The following AGRN variants were observed in gnomAD, a reference collection of about 807,000 sequenced individuals.
AGRN encodes agrin proteoglycan.
Under a neutral mutation model 211.0 loss-of-function variants are expected in AGRN, and 106 were observed. The ratio of observed to expected loss-of-function variants is 0.50; its 90% CI spans 0.43 to 0.59. The LOEUF is 0.59. AGRN is among the 20% of genes least tolerant of loss of function. AGRN has a pLI of 0.00. For synonymous variants in AGRN, 1,525 were observed against 1,332.5 expected (o/e 1.14, Z -3.15); for missense variants, 3,040 against 2,982.6 (o/e 1.02, Z -0.45).
intron 1 of AGRN, 149 bp downstream of exon 1, chr1:1,020,522 C>A: frequency 1.4e-6 from 1 of 726,998 alleles, no homozygotes; most frequent in South Asian, 3.5e-5. Flanking sequence ...GGGGGGTCGC[C>A]GGGTCCCGGG....
intron 3 of AGRN, among the ~76,000 whole-genome samples, chr1:1,036,730 G>C (rs1186711057): frequency 6.6e-6 from 1 of 152,150 alleles, no homozygotes; most frequent in Non-Finnish European, 1.5e-5. Context: ...ACCCCACCAG[G>C]CTGTTCCTAT....
At chr1:1,042,230 C>T in intron 7 of AGRN, 68 bp downstream of exon 7, 2 of 1,500,152 alleles carry the variant, frequency 1.3e-6, no homozygotes, top group East Asian at 2.3e-5. Flanking sequence ...CTGGACATCA[C>T]ATGCCATCTT....
intron 2 of AGRN, chr1:1,033,979 C>A: frequency 6.1e-6 from 2 of 328,308 alleles, no homozygotes; most frequent in Non-Finnish European, 8.7e-6. Context: ...CCCTCCGCGG[C>A]GTCTTCGCCC....
intron 33 of AGRN, chr1:1,053,355 T>G: frequency 5.8e-6 from 6 of 1,036,898 alleles, no homozygotes; most frequent in African/African-American, 1.7e-5. Context: ...AGGTCACGCA[T>G]GTCTTCTGTG....
At chr1:1,046,294 C>T in intron 17 of AGRN, 29 bp downstream of exon 17, 1 of 1,612,814 alleles carries the variant, frequency 6.2e-7, no homozygotes, top group Non-Finnish European at 8.5e-7. Context: ...TGCCCCAGAA[C>T]TGACCAGGAA....
intron 2 of AGRN, among the ~76,000 whole-genome samples, chr1:1,023,718 G>A (rs754119166): frequency 2.6e-5 from 4 of 152,196 alleles, no homozygotes; most frequent in Non-Finnish European, 4.4e-5. Context: ...TTGCTCTAGG[G>A]TCAGAGGGCA....
intron 2 of AGRN, among the ~76,000 whole-genome samples, chr1:1,033,314 A>ACCTACGC (rs932256946): frequency 1.3e-4 from 20 of 150,584 alleles, no homozygotes; most frequent in African/African-American, 4.4e-4. Flanking sequence ...GCCCTCCCCC[A>ACCTACGC]CCTACGCCCC....
At chr1:1,049,184 G>A (rs570829775) in intron 24 of AGRN, 52 bp from the exon 25 acceptor site, 12 of 1,465,290 alleles carry the variant, frequency 8.2e-6, no homozygotes, top group Middle Eastern at 2.5e-4. Flanking sequence ...TCAGGTAGGC[G>A]GGGTGGGGAC....
At chr1:1,021,103 C>T (rs1314400326) in intron 1 of AGRN, among the ~76,000 whole-genome samples, 1 of 152,184 alleles carries the variant, frequency 6.6e-6, no homozygotes, top group Non-Finnish European at 1.5e-5. Flanking sequence ...AAAACCATCT[C>T]CTGGGACCAG....
Position 1,055,004 on chromosome 1 carries a change from C to T in AGRN, c.*23C>T, listed in dbSNP as rs776719537. On this transcript the variant is annotated 3_prime_UTR_variant, in exon 36 of 36. Transcript: ENST00000379370. ...TGAGCTGGCACCAGAGCCCCGCGCCCGCTGTAATTATTTTCTATTTTTGTA... is the reference window on the plus strand; with the variant it reads ...TGAGCTGGCACCAGAGCCCCGCGCCTGCTGTAATTATTTTCTATTTTTGTA... The T allele has an allele frequency of 2.7e-5, 42 of 1,546,016 alleles. No individual in the cohort carries two copies. The highest frequency in any genetic ancestry group is 1.9e-4 in the South Asian group (16 of 84,016).
intron 19 of AGRN, 146 bp downstream of exon 19, chr1:1,047,103 G>C: frequency 7.1e-7 from 1 of 1,410,330 alleles, no homozygotes; most frequent in Non-Finnish European, 9.5e-7. Flanking sequence ...GGGACCCCAC[G>C]CCTAACCCGT....
In AGRN at chr1:1,044,217, G is replaced by T. The variant is rs1185613317; in HGVS notation, c.2108G>T (p.Cys703Phe). Residue 703 changes from cysteine (C) to phenylalanine (F), a missense_variant, in exon 11 of 36, where the codon TGT becomes TTT. Cys to Phe is a radical substitution (Grantham distance 205). Around this residue, in one of 3 missense-constraint regions of AGRN, gnomAD observed 1,498 missense variants for 1,457.8 expected, o/e 1.03. Coordinates refer to ENST00000379370, the MANE Select transcript of AGRN (RefSeq NM_198576.4). ...GACGAGGACTCGGAGGACGGGCCGT[G>T]TGTCTGTGACTTCAGCTGCCAGAGT... ...IWDEDSEDGP[C>F]VCDFSCQSVP... The T allele has an allele frequency of 1.9e-6, 3 of 1,613,090 alleles. No individual in the cohort carries two copies. The Admixed American group carries it at 5.0e-5, about 27-fold the overall frequency.
In AGRN at chr1:1,048,531, G is replaced by A; in HGVS notation, c.4105+166G>A. On this transcript the variant is annotated intron_variant, in intron 23 of 35. Transcript: ENST00000379370. The surrounding 1 kb of genome is among the most constrained non-coding windows in gnomAD (Gnocchi z 5.9). The stretch of plus-strand genomic sequence containing the variant: ...CACGCCTGTAATCCCAGCACTTTGG[G>A]AGGCCGAGGCAGGCGGATCACCTGA... The A allele has an allele frequency of 1.5e-6, 1 of 653,832 alleles. No individual in the cohort carries two copies. Among genetic ancestry groups the A allele is most frequent in the Middle Eastern group, 4.2e-4 (1 of 2,386 alleles). The allele number at this position is 653,832 out of a possible 1,614,324, so 40.5% of individuals were successfully genotyped here.
At position 1,041,242 on chromosome 1, in the gene AGRN, T is replaced by A. The variant is rs1262773253; in HGVS notation, c.797T>A (p.Leu266Gln). 1.7e-5 allele frequency: 26 copies of A among 1,490,572 alleles called. No individual in the cohort carries two copies. Among genetic ancestry groups the A allele is most frequent in the South Asian group, 6.3e-5 (5 of 79,994 alleles). 92.3% of individuals were successfully genotyped at this position (1,490,572 alleles called of 1,614,324 possible). Residue 266 changes from leucine to glutamine, a missense_variant, in exon 5 of 36, where the codon CTG becomes CAG. Leu to Gln is a moderately radical substitution (Grantham distance 113). Coordinates refer to ENST00000379370, the MANE Select transcript of AGRN (RefSeq NM_198576.4). ...GSTCARSADG[L>Q]TASCLCPATC... Reference sequence around the variant, plus strand: ...ACCTGTGCGCGCTCGGCCGACGGGCTGACGGCCTCGTGCCTGTGCCCCGCG... The same window carrying A: ...ACCTGTGCGCGCTCGGCCGACGGGCAGACGGCCTCGTGCCTGTGCCCCGCG...
rs756920232 is a variant in AGRN, at chr1:1,045,807, G to A, written c.2611G>A (p.Gly871Arg). 30 of 1,612,896 alleles carry A rather than the reference G, an allele frequency of 1.9e-5. No homozygotes were observed. Among genetic ancestry groups the A allele is most frequent in the South Asian group, 2.2e-5 (2 of 91,086 alleles). Residue 871 changes from glycine to arginine, a missense_variant, in exon 15 of 36, where the codon GGG becomes AGG. Gly to Arg is a moderately radical substitution (Grantham distance 125). This residue lies in a region of AGRN where 1,498 missense variants were observed against 1,457.8 expected (regional missense o/e 1.03). Transcript: ENST00000379370. ...QMTGLCSCKP[G>R]VAGPKCGQCP... Reference sequence around the variant, plus strand: ...GACGGGGCTGTGCTCGTGTAAGCCCGGGGTGGCTGGACCCAAGTGTGGGCA... The same window carrying A: ...GACGGGGCTGTGCTCGTGTAAGCCCAGGGTGGCTGGACCCAAGTGTGGGCA...
At position 1,048,798 on chromosome 1, in the gene AGRN, C is replaced by T. The variant is rs1053078539; in HGVS notation, c.4106-69C>T. ...AAAAAAAAAAAAAAAAAGCAGGGGG[C>T]GGTTTCAGGGATAAAAGTGGGGAAT... On this transcript the variant is annotated intron_variant, in intron 23 of 35. Transcript: ENST00000379370. This position sits in a 1 kb window ranked among gnomAD's most constrained non-coding sequence, Gnocchi z 5.9. 9 of 1,105,964 alleles carry T rather than the reference C, an allele frequency of 8.1e-6. 1 individual carries two copies. The highest frequency in any genetic ancestry group is 5.9e-5 in the Admixed American group (2 of 33,978). 68.5% of individuals were successfully genotyped at this position (1,105,964 alleles called of 1,614,324 possible). A position where few individuals can be genotyped will look rare whatever the true frequency, so the allele number is the denominator to read the frequency against.
At position 1,048,728 on chromosome 1, in the gene AGRN, C is replaced by T; in HGVS notation, c.4106-139C>T. The T allele has an allele frequency of 6.6e-6, 7 of 1,053,604 alleles. No homozygotes were observed. In the South Asian group the frequency reaches 1.0e-4, roughly 15 times the overall value. 65.3% of individuals were successfully genotyped at this position (1,053,604 alleles called of 1,614,324 possible). ...GTTGCGGTGAGCCAGGATCGCGCCA[C>T]TGCACTCCAGCCGGGGCAAAAAGAG... On this transcript the variant is annotated intron_variant, in intron 23 of 35. Transcript: ENST00000379370. This position sits in a 1 kb window ranked among gnomAD's most constrained non-coding sequence, Gnocchi z 5.9.
At chr1:1,034,921 T>G (rs2100607687) in intron 2 of AGRN, 2 of 397,758 alleles carry the variant, frequency 5.0e-6, no homozygotes, top group East Asian at 4.6e-5. Flanking sequence ...CTGCGGGAGC[T>G]GGGGAGGGAG....
Position 1,054,939 on chromosome 1 carries a change from C to T in AGRN, c.6096C>T (p.Asp2032=), listed in dbSNP as rs544753386. ...VGRHPLHLLE[D]AVTKPELRPC... ...GGCACCCGCTGCACCTGCTGGAGGA[C>T]GCCGTCACCAAGCCAGAGCTGCGGC... Residue 2032 remains aspartate (D), a synonymous_variant, in exon 36 of 36, where the codon GAC becomes GAT. Coordinates refer to ENST00000379370, the MANE Select transcript of AGRN (RefSeq NM_198576.4). The T allele has an allele frequency of 1.4e-5, 22 of 1,549,026 alleles. No homozygotes were observed. Among genetic ancestry groups the T allele is most frequent in the Middle Eastern group, 2.0e-4 (1 of 5,016 alleles).
Sources: allele counts gnomAD v4.1 joint callset (sites outside exome capture counted in the v4.1 genomes callset), GRCh38; gene constraint gnomAD v4.1.1; regional missense constraint gnomAD v4.1.1; non-coding constraint Gnocchi (gnomAD v3.1); transcripts MANE v1.5; gene names NCBI Gene and HGNC (gene_info 2026-07-23, HGNC 2026-07-21).